The following RECK variants were observed in gnomAD, a reference collection of about 807,000 sequenced individuals.
The protein encoded by RECK is reversion inducing cysteine rich protein with kazal motifs.
A neutral mutation model predicts 115.1 loss-of-function variants in RECK; 69 were observed. The ratio of observed to expected loss-of-function variants is 0.60; its 90% CI spans 0.49 to 0.73. RECK has a LOEUF of 0.73. Among genes scored for constraint, RECK ranks in the 30% least tolerant of loss-of-function variants. The pLI, the probability that RECK is intolerant of heterozygous loss-of-function variation, is 0.00. For synonymous variants in RECK, 414 were observed against 419.7 expected, an observed-to-expected ratio of 0.99 and a Z score of 0.17; for missense variants, 1,047 against 1,203.7, an observed-to-expected ratio of 0.87 and a Z score of 1.93.
At chr9:36,107,557 A>G (rs1479177105) in intron 13 of RECK, among the ~76,000 whole-genome samples, 2 of 150,252 alleles carry the variant, frequency 1.3e-5, no homozygotes, top group African/African-American at 4.9e-5. Flanking sequence ...CTGAGCCAAG[A>G]TCGTGCCACT....
chr9:36,064,821 C>T (rs1402016397), intron 5 of RECK, among the ~76,000 whole-genome samples: 1 of 152,044 alleles, frequency 6.6e-6, no homozygotes, highest in African/African-American at 2.4e-5. Flanking sequence ...ATTGCACTGG[C>T]CTAGGTGATA....
At chr9:36,120,090 C>G (rs1440580754) in intron 18 of RECK, among the ~76,000 whole-genome samples, 1 of 151,944 alleles carries the variant, frequency 6.6e-6, no homozygotes, top group Non-Finnish European at 1.5e-5. Flanking sequence ...AAAAAATTAG[C>G]CGGGCATGGT....
chr9:36,101,972 C>T (rs1823580523), intron 11 of RECK, 122 bp from the exon 12 acceptor site: 1 of 952,334 alleles, frequency 1.1e-6, no homozygotes, highest in Non-Finnish European at 1.5e-6. Flanking sequence ...CTCTTGTTCT[C>T]TTTTGAAACA....
intron 1 of RECK, among the ~76,000 whole-genome samples, chr9:36,051,305 T>A (rs1821290231): frequency 6.6e-6 from 1 of 152,184 alleles, no homozygotes. Flanking sequence ...GAAGGTCAAG[T>A]CTTTTCCACT....
At chr9:36,122,732 C>T (rs565159796) in intron 20 of RECK, 92 bp from the exon 21 acceptor site, 65 of 970,024 alleles carry the variant, frequency 6.7e-5, no homozygotes, top group African/African-American at 9.7e-5. Flanking sequence ...TCTGAGGCCA[C>T]GCTACTTTTA....
chr9:36,099,477 T>C (rs1274745215), intron 10 of RECK, among the ~76,000 whole-genome samples: 1 of 152,216 alleles, frequency 6.6e-6, no homozygotes, highest in Non-Finnish European at 1.5e-5. Flanking sequence ...AGTGGGTTTA[T>C]TATAATTTTA....
chr9:36,112,134 A>AC (rs1824074843), intron 15 of RECK, among the ~76,000 whole-genome samples, 171 bp from the exon 16 acceptor site: 2 of 151,180 alleles, frequency 1.3e-5, no homozygotes, highest in Admixed American at 6.6e-5. Context: ...AAAAAAAAAA[A>AC]AAAAAAAAAA....
rs139106894 is a variant in RECK, at chr9:36,087,911, C to T, written c.855C>T (p.Leu285=). The T allele has an allele frequency of 1.6e-4, 252 of 1,613,420 alleles. No individual in the cohort carries two copies. In the African/African-American group the frequency reaches 2.8e-3, roughly 18 times the overall value. Residue 285 remains leucine (L), a synonymous_variant, in exon 9 of 21, where the codon CTC becomes CTT. Coordinates refer to ENST00000377966, the MANE Select transcript of RECK (RefSeq NM_021111.3). The stretch of plus-strand genomic sequence containing the variant: ...TACACCCTCCTCCCTCTACAGGCCT[C>T]GATGGGGCTAAATTGCATTGTTGTT... ...VTVHPPPSTG[L]DGAKLHCCSK...
At chr9:36,057,935 A>G (rs1821596773) in intron 2 of RECK, among the ~76,000 whole-genome samples, 1 of 152,060 alleles carries the variant, frequency 6.6e-6, no homozygotes, top group Non-Finnish European at 1.5e-5. Flanking sequence ...GAGAAATGCA[A>G]ATCAAAACCA....
rs368492239 is a variant in RECK, at chr9:36,039,797, G to A, written c.100+2699G>A. The stretch of plus-strand genomic sequence containing the variant: ...GAATTTTAAGTTAGAAAAAGCAAAC[G>A]CCTATCTGGAGCAAAGTAATAAGAA... On this transcript the variant is annotated intron_variant, in intron 1 of 20. Coordinates refer to ENST00000377966, the MANE Select transcript of RECK (RefSeq NM_021111.3). 2.6e-4 allele frequency among the ~76,000 whole-genome samples: 39 copies of A among 152,290 alleles called. No homozygotes were observed. The South Asian group carries it at 6.4e-3, about 25-fold the overall frequency.
At chr9:36,066,933 C>A in intron 6 of RECK, 1 of 1,115,210 alleles carries the variant, frequency 9.0e-7, no homozygotes, top group Non-Finnish European at 1.2e-6. Context: ...CCCAGTCTAT[C>A]TTCCCTAATT....
intron 10 of RECK, among the ~76,000 whole-genome samples, chr9:36,098,069 G>A (rs777484039): frequency 2.0e-5 from 3 of 152,046 alleles, no homozygotes; most frequent in East Asian, 1.9e-4. Context: ...GAGGAGAGAG[G>A]GGAGAGGATT....
intron 10 of RECK, among the ~76,000 whole-genome samples, chr9:36,093,074 G>A (rs181331592): frequency 5.9e-5 from 9 of 152,260 alleles, no homozygotes; most frequent in African/African-American, 2.2e-4. Context: ...CAAGTTAGAA[G>A]GGCCTAGTAA....
Position 36,109,946 on chromosome 9 carries a change from G to A in RECK, c.1766-11G>A. The A allele has an allele frequency of 2.5e-6, 4 of 1,600,986 alleles. No homozygotes were observed. Among genetic ancestry groups the A allele is most frequent in the Non-Finnish European group, 3.4e-6 (4 of 1,168,864 alleles). On this transcript the variant is annotated splice_polypyrimidine_tract_variant and intron_variant, in intron 14 of 20. Coordinates refer to ENST00000377966, the MANE Select transcript of RECK (RefSeq NM_021111.3). ...TGATATAGATCAACATTTTCTTTCTGTTTCTGTCAGGTCATGGAACATCCT... is the reference window on the plus strand; with the variant it reads ...TGATATAGATCAACATTTTCTTTCTATTTCTGTCAGGTCATGGAACATCCT...
At position 36,041,488 on chromosome 9, in the gene RECK, A is replaced by G. The variant is rs1588259065; in HGVS notation, c.100+4390A>G. On this transcript the variant is annotated intron_variant, in intron 1 of 20. Coordinates refer to ENST00000377966, the MANE Select transcript of RECK (RefSeq NM_021111.3). ...TGCTTTAGTTGTTTCATAATGATCA[A>G]TGTCTAGGTTACAGCTCTTTTGACT... 2.0e-5 allele frequency among the ~76,000 whole-genome samples: 3 copies of G among 152,188 alleles called. No homozygotes were observed. The South Asian group carries it at 6.2e-4, about 31-fold the overall frequency.
At chr9:36,067,280 T>C (rs1452167536) in intron 6 of RECK, among the ~76,000 whole-genome samples, 1 of 152,158 alleles carries the variant, frequency 6.6e-6, no homozygotes, top group Non-Finnish European at 1.5e-5. Flanking sequence ...AACCAGGCTT[T>C]TAGTATCTTT....
At chr9:36,059,374 T>A (rs1302672931) in intron 3 of RECK, among the ~76,000 whole-genome samples, 2 of 151,814 alleles carry the variant, frequency 1.3e-5, no homozygotes, top group East Asian at 3.9e-4. Flanking sequence ...GAGAATTGCT[T>A]GAACCCAGGA....
chr9:36,038,468 CACTT>C (rs752608369), intron 1 of RECK, among the ~76,000 whole-genome samples: 6 of 152,168 alleles, frequency 3.9e-5, no homozygotes, highest in Non-Finnish European at 7.4e-5. Flanking sequence ...TGAACTGAAA[CACTT>C]ACAAAATTAT....
In RECK at chr9:36,091,362, C is replaced by T. The variant is rs986242559; in HGVS notation, c.1085+19C>T. 7.1e-7 allele frequency: 1 copy of T among 1,398,756 alleles called. No homozygotes were observed. Among genetic ancestry groups the T allele is most frequent in the African/African-American group, 1.5e-5 (1 of 67,222 alleles). The allele number at this position is 1,398,756 out of a possible 1,614,324, so 86.6% of individuals were successfully genotyped here. A position where few individuals can be genotyped will look rare whatever the true frequency, so the allele number is the denominator to read the frequency against. The stretch of plus-strand genomic sequence containing the variant: ...ACAACAGGTAAGACAAATTATTATA[C>T]ATGGAATGGAAATATTTTATCATTA... On this transcript the variant is annotated intron_variant, in intron 10 of 20. Transcript: ENST00000377966.
Sources: gnomAD v4.1 joint callset for allele counts (sites outside exome capture counted in the v4.1 genomes callset) on GRCh38, gnomAD v4.1.1 for gene constraint, MANE v1.5 for transcripts, NCBI Gene and HGNC (gene_info 2026-07-23, HGNC 2026-07-21) for gene names.